ZNF804B: variants seen among roughly 807,000 people sequenced by gnomAD.
ZNF804B encodes zinc finger 804B.
In ZNF804B, 80 loss-of-function variants were observed where a neutral mutation model predicts 101.4. That is an observed-to-expected ratio of 0.79 (90% CI 0.66 to 0.95). The LOEUF (loss-of-function observed/expected upper bound fraction) is 0.95, where lower values mean the gene tolerates loss of function less well. Among genes scored for constraint, ZNF804B ranks in the 40% least tolerant of loss-of-function variants. The pLI, the probability that ZNF804B is intolerant of heterozygous loss-of-function variation, is 0.00. For synonymous variants in ZNF804B, 622 were observed against 558.8 expected, an observed-to-expected ratio of 1.11 and a Z score of -1.59; for missense variants, 1,673 against 1,561.9, an observed-to-expected ratio of 1.07 and a Z score of -1.20.
chr7:89,063,250 G>T (rs1789404318), intron 1 of ZNF804B, among the ~76,000 whole-genome samples: 1 of 151,894 alleles, frequency 6.6e-6, no homozygotes, highest in South Asian at 2.1e-4. Context: ...TTAAATTTGG[G>T]GCATTTTGAG....
At chr7:89,171,096 C>CT (rs1791217401) in intron 1 of ZNF804B, among the ~76,000 whole-genome samples, 1 of 152,190 alleles carries the variant, frequency 6.6e-6, no homozygotes, top group Non-Finnish European at 1.5e-5. Context: ...TGGTCTGCCT[C>CT]TAGCCTTAAC....
chr7:88,775,739 T>A (rs919370238), intron 1 of ZNF804B, among the ~76,000 whole-genome samples: 1 of 152,192 alleles, frequency 6.6e-6, no homozygotes, highest in African/African-American at 2.4e-5. Flanking sequence ...GAGGCAACTC[T>A]CCTCATTCCT....
intron 1 of ZNF804B, among the ~76,000 whole-genome samples, chr7:88,829,181 C>T (rs1280977602): frequency 2.0e-5 from 3 of 152,092 alleles, no homozygotes; most frequent in Non-Finnish European, 2.9e-5. Flanking sequence ...AACTCCTGTG[C>T]TCAAACTCCT....
intron 1 of ZNF804B, among the ~76,000 whole-genome samples, chr7:88,830,839 A>G (rs1038651619): frequency 5.9e-5 from 9 of 151,860 alleles, no homozygotes; most frequent in African/African-American, 1.4e-4. Context: ...ATATCTTTTC[A>G]TAAGTTTAAT....
At chr7:89,280,742 C>G (rs575866950) in intron 2 of ZNF804B, among the ~76,000 whole-genome samples, 5 of 152,278 alleles carry the variant, frequency 3.3e-5, no homozygotes, top group African/African-American at 1.2e-4. Flanking sequence ...ATAACAGTAG[C>G]TGAAATTGTG....
chr7:89,134,470 G>A (rs1227808629), intron 1 of ZNF804B, among the ~76,000 whole-genome samples: 1 of 151,998 alleles, frequency 6.6e-6, no homozygotes, highest in Non-Finnish European at 1.5e-5. Flanking sequence ...AAGAATGGTA[G>A]ATCACTTCCT....
intron 1 of ZNF804B, among the ~76,000 whole-genome samples, chr7:89,147,150 A>G (rs977258521): frequency 1.3e-5 from 2 of 151,142 alleles, no homozygotes; most frequent in South Asian, 2.1e-4. Flanking sequence ...GTAATAATAA[A>G]CATTAATATA....
At chr7:89,004,570 G>C (rs1788342750) in intron 1 of ZNF804B, among the ~76,000 whole-genome samples, 1 of 151,760 alleles carries the variant, frequency 6.6e-6, no homozygotes, top group Non-Finnish European at 1.5e-5. Context: ...ATTATAGTGT[G>C]GTGACGGCAT....
intron 3 of ZNF804B, among the ~76,000 whole-genome samples, chr7:89,329,640 C>G (rs889175296): frequency 6.6e-6 from 1 of 151,556 alleles, no homozygotes; most frequent in South Asian, 2.1e-4. Context: ...TTAACTAGTT[C>G]CAGCCAACCT....
At chr7:88,827,729 C>T (rs1202767645) in intron 1 of ZNF804B, among the ~76,000 whole-genome samples, 1 of 152,104 alleles carries the variant, frequency 6.6e-6, no homozygotes, top group Non-Finnish European at 1.5e-5. Context: ...AAGGCGTTCT[C>T]TGTGCAGCAT....
intron 1 of ZNF804B, among the ~76,000 whole-genome samples, chr7:89,206,777 A>G (rs1788720489): frequency 6.6e-6 from 1 of 152,044 alleles, no homozygotes; most frequent in South Asian, 2.1e-4. Context: ...AAAACAAACA[A>G]ACCCACAAAA....
intron 1 of ZNF804B, among the ~76,000 whole-genome samples, chr7:89,008,285 C>A (rs1788399851): frequency 6.6e-6 from 1 of 151,932 alleles, no homozygotes; most frequent in South Asian, 2.1e-4. Flanking sequence ...ACACAAAAAA[C>A]CAAACAGATT....
At chr7:89,249,872 G>A (rs964782619) in intron 2 of ZNF804B, among the ~76,000 whole-genome samples, 1 of 152,058 alleles carries the variant, frequency 6.6e-6, no homozygotes, top group African/African-American at 2.4e-5. Flanking sequence ...GAATAAGTAG[G>A]ATTGATAGAC....
intron 1 of ZNF804B, among the ~76,000 whole-genome samples, chr7:88,884,149 A>C (rs1238590100): frequency 1.3e-5 from 2 of 151,092 alleles, no homozygotes; most frequent in Admixed American, 6.6e-5. Context: ...TTTTCTGAGC[A>C]CTCTCCATAT....
At chr7:88,905,379 A>G (rs1299871325) in intron 1 of ZNF804B, among the ~76,000 whole-genome samples, 1 of 150,796 alleles carries the variant, frequency 6.6e-6, no homozygotes, top group Non-Finnish European at 1.5e-5. Flanking sequence ...TTTTTTTTAG[A>G]TGGAGTCTCA....
intron 1 of ZNF804B, among the ~76,000 whole-genome samples, chr7:88,780,521 C>G (rs1411894878): frequency 6.6e-6 from 1 of 150,990 alleles, no homozygotes; most frequent in Non-Finnish European, 1.5e-5. Flanking sequence ...TCCTGAGTAG[C>G]TGGGACTACA....
At chr7:88,840,517 C>T (rs1383500849) in intron 1 of ZNF804B, among the ~76,000 whole-genome samples, 1 of 152,030 alleles carries the variant, frequency 6.6e-6, no homozygotes, top group Admixed American at 6.6e-5. Context: ...TTTGAGTAAT[C>T]TCCTTAAAAT....
At chr7:89,071,781 T>TACACACACACACATGTAC (rs1789544858) in intron 1 of ZNF804B, among the ~76,000 whole-genome samples, 1 of 147,728 alleles carries the variant, frequency 6.8e-6, no homozygotes, top group Admixed American at 6.7e-5. Flanking sequence ...CACACAAATG[T>TACACACACACACATGTAC]ACACACACAC....
chr7:89,075,095 C>A lies in ZNF804B; in HGVS notation c.109-143060C>A, dbSNP rs912565860. Among the ~76,000 whole-genome samples the A allele has an allele frequency of 2.6e-5, 4 of 152,012 alleles. No homozygotes were observed. The East Asian group carries it at 7.7e-4, about 29-fold the overall frequency. On this transcript the variant is annotated intron_variant, in intron 1 of 3. Transcript: ENST00000333190. ...TTCAGTTTTATAAAGGAAGCAGAGC[C>A]TAAAAGTTCAGAAAATTTGCAGCCT...
Sources: allele counts gnomAD v4.1 joint callset (sites outside exome capture counted in the v4.1 genomes callset), GRCh38; gene constraint gnomAD v4.1.1; transcripts MANE v1.5; gene names NCBI Gene and HGNC (gene_info 2026-07-23, HGNC 2026-07-21).